The following PDE3B variants were observed in gnomAD, a reference collection of about 807,000 sequenced individuals.
PDE3B encodes the protein cGMP-inhibited 3',5'-cyclic phosphodiesterase 3B.
Under a neutral mutation model 116.8 loss-of-function variants are expected in PDE3B, and 66 were observed. The observed-to-expected ratio is 0.56, with a 90% CI of 0.46 to 0.69. The LOEUF (loss-of-function observed/expected upper bound fraction) is 0.69. PDE3B is among the 30% of genes least tolerant of loss of function. PDE3B has a pLI of 0.00. For missense variants in PDE3B, 1,384 were observed against 1,368.1 expected (o/e 1.01, Z -0.18); for synonymous variants, 595 against 533.6 (o/e 1.12, Z -1.59).
the PDE3B span, chr11:14,886,483 GGGAACC>G: frequency 1.3e-5 from 2 of 154,550 alleles, no homozygotes; most frequent in African/African-American, 4.8e-5. Flanking sequence ...AGGGCTCTAA[GGGAACC>G]TAACCTTGGA....
At chr11:14,820,140 A>G (rs1481286693) in intron 7 of PDE3B, among the ~76,000 whole-genome samples, 1 of 152,124 alleles carries the variant, frequency 6.6e-6, no homozygotes, top group Admixed American at 6.5e-5. Flanking sequence ...TACATTTTAA[A>G]GGATTGTTAA....
At chr11:14,885,632 G>T in the PDE3B span, 1 of 821,136 alleles carries the variant, frequency 1.2e-6, no homozygotes, top group Non-Finnish European at 1.9e-6. Context: ...CAGCCTGAAA[G>T]GTCCTCAAAT....
intron 12 of PDE3B, among the ~76,000 whole-genome samples, chr11:14,844,539 C>G (rs935814225): frequency 6.6e-6 from 1 of 152,200 alleles, no homozygotes; most frequent in African/African-American, 2.4e-5. Flanking sequence ...GAGGCATTGC[C>G]TCACTCGGGA....
intron 1 of PDE3B, among the ~76,000 whole-genome samples, chr11:14,740,796 T>C (rs1424587557): frequency 2.0e-5 from 3 of 152,224 alleles, no homozygotes; most frequent in African/African-American, 7.2e-5. Flanking sequence ...TTCTGATATG[T>C]AGTGTCTTTG....
chr11:14,828,414 C>A (rs1456664095), intron 7 of PDE3B, among the ~76,000 whole-genome samples: 1 of 152,098 alleles, frequency 6.6e-6, no homozygotes, highest in Non-Finnish European at 1.5e-5. Context: ...TTTTTGCAAA[C>A]TATGCATCTG....
rs1212515658 is a variant in PDE3B, at chr11:14,721,470, C to T, written c.979-50467C>T. 1.1e-3 allele frequency among the ~76,000 whole-genome samples: 169 copies of T among 151,630 alleles called. 1 individual carries two copies. Among genetic ancestry groups the T allele is most frequent in the African/African-American group, 3.8e-3 (158 of 41,202 alleles). On this transcript the variant is annotated intron_variant, in intron 1 of 15. Transcript: ENST00000282096. ...AATCATGCTGCTATAAAGACACATG[C>T]ACACGTATGTTTATTGTGGCATTAT...
chr11:14,845,498 T>C (rs552815421), intron 12 of PDE3B, among the ~76,000 whole-genome samples: 81 of 152,180 alleles, frequency 5.3e-4, no homozygotes, highest in Non-Finnish European at 9.6e-4. Context: ...AGAATGACTT[T>C]GACGAGTTGA....
Position 14,869,594 on chromosome 11 carries a change from G to A in PDE3B, c.3273G>A (p.Val1091=). The change falls in exon 16 of 16, where the codon GTG becomes GTA. Residue 1091 remains valine, a synonymous_variant. Coordinates refer to ENST00000282096, the MANE Select transcript of PDE3B (RefSeq NM_000922.4). ...KCKADGNKLQ[V]ENSSLPQADE... ...AAGCTGATGGGAATAAACTGCAGGTGGAGAATTCCTCCTTACCTCAAGCAG... is the reference window on the plus strand; with the variant it reads ...AAGCTGATGGGAATAAACTGCAGGTAGAGAATTCCTCCTTACCTCAAGCAG... 6.2e-7 allele frequency: 1 copy of A among 1,613,900 alleles called. No individual in the cohort carries two copies. The highest frequency in any genetic ancestry group is 8.5e-7 in the Non-Finnish European group (1 of 1,179,902).
At chr11:14,723,707 A>T (rs1856193737) in intron 1 of PDE3B, among the ~76,000 whole-genome samples, 1 of 151,912 alleles carries the variant, frequency 6.6e-6, no homozygotes, top group Non-Finnish European at 1.5e-5. Context: ...GCTACAAGTG[A>T]GCTATGATTG....
At chr11:14,866,046 C>G (rs1015560726) in intron 14 of PDE3B, among the ~76,000 whole-genome samples, 1 of 152,122 alleles carries the variant, frequency 6.6e-6, no homozygotes. Context: ...TACTTAACCT[C>G]TCTGTGCCAG....
intron 4 of PDE3B, among the ~76,000 whole-genome samples, chr11:14,791,299 C>G (rs544950028): frequency 6.6e-6 from 1 of 152,090 alleles, no homozygotes; most frequent in Non-Finnish European, 1.5e-5. Flanking sequence ...GCTTTGGATT[C>G]TGATCACAGT....
Position 14,644,380 on chromosome 11 carries a change from C to T in PDE3B, c.305C>T (p.Ala102Val), listed in dbSNP as rs781358952. 4 of 1,600,942 alleles carry T rather than the reference C, an allele frequency of 2.5e-6. No individual in the cohort carries two copies. Among genetic ancestry groups the T allele is most frequent in the Non-Finnish European group, 2.6e-6 (3 of 1,175,006 alleles). Residue 102 changes from alanine to valine, a missense_variant, in exon 1 of 16, where the codon GCT (alanine) becomes GTT (valine). Coordinates refer to ENST00000282096, the MANE Select transcript of PDE3B (RefSeq NM_000922.4). Reference sequence around the variant, plus strand: ...CTGGGCGCGGAACCCGAGAGCTGGGCTGCCGGGGCCGCCTGGCTGCGGACG... The same window carrying T: ...CTGGGCGCGGAACCCGAGAGCTGGGTTGCCGGGGCCGCCTGGCTGCGGACG... ...LLLGAEPESW[A>V]AGAAWLRTLL...
intron 14 of PDE3B, among the ~76,000 whole-genome samples, chr11:14,863,177 C>T (rs1355972612): frequency 5.9e-5 from 9 of 152,104 alleles, no homozygotes; most frequent in Admixed American, 4.6e-4. Flanking sequence ...TGATGGTTTC[C>T]AGCTTCATCT....
At chr11:14,749,919 T>TATATATATATATATATA (rs1391477381) in intron 1 of PDE3B, among the ~76,000 whole-genome samples, 39 of 138,646 alleles carry the variant, frequency 2.8e-4, no homozygotes, top group African/African-American at 3.8e-4. Context: ...TATATGTATC[T>TATATATATATATATATA]TTGTGGAAGC....
At chr11:14,879,251 G>A in the PDE3B span, 4 of 1,613,192 alleles carry the variant, frequency 2.5e-6, no homozygotes, top group Non-Finnish European at 3.4e-6. Flanking sequence ...AATTACTGTT[G>A]TGCCTTTAGG....
At chr11:14,803,699 G>A (rs10741656) in intron 4 of PDE3B, among the ~76,000 whole-genome samples, 97,311 of 152,062 alleles carry the variant, frequency 0.64, 31,272 homozygotes, top group Middle Eastern at 0.7. Context: ...ATTTTAGTTT[G>A]TGGATGCTTT....
intron 1 of PDE3B, among the ~76,000 whole-genome samples, chr11:14,712,261 T>C (rs562599785): frequency 1.8e-4 from 27 of 151,964 alleles, no homozygotes; most frequent in African/African-American, 6.3e-4. Flanking sequence ...AATTTTTTAT[T>C]TTTTGTAGAG....
chr11:14,762,649 T>A (rs1424156637), intron 1 of PDE3B, among the ~76,000 whole-genome samples: 2 of 152,194 alleles, frequency 1.3e-5, no homozygotes, highest in Non-Finnish European at 2.9e-5. Context: ...GAGAATAGAT[T>A]CTACCTGGGC....
chr11:14,866,035 T>A (rs1323126756), intron 14 of PDE3B, among the ~76,000 whole-genome samples: 2 of 152,148 alleles, frequency 1.3e-5, no homozygotes, highest in African/African-American at 2.4e-5. Context: ...GTTGGGTAAG[T>A]TACTTAACCT....
Sources: gnomAD v4.1 joint callset for allele counts (sites outside exome capture counted in the v4.1 genomes callset) on GRCh38, gnomAD v4.1.1 for gene constraint, MANE v1.5 for transcripts, NCBI Gene and HGNC (gene_info 2026-07-23, HGNC 2026-07-21) for gene names.